The following GALNT2 variants were observed in gnomAD, a reference collection of about 807,000 sequenced individuals.
GALNT2 encodes the protein UDP-GalNAc:polypeptide N-acetylgalactosaminyltransferase 2.
In GALNT2, 31 loss-of-function variants were observed where a neutral mutation model predicts 81.4. That is an observed-to-expected ratio of 0.38 (90% CI 0.29 to 0.51). The LOEUF is 0.51. GALNT2 is among the 20% of genes least tolerant of loss of function. The probability of loss-of-function intolerance (pLI) is 0.87; values close to 1 mark genes in which losing one functional copy is unlikely to be tolerated. For synonymous variants in GALNT2, 303 were observed against 287.4 expected, an observed-to-expected ratio of 1.05 and a Z score of -0.55; for missense variants, 629 against 765.7, an observed-to-expected ratio of 0.82 and a Z score of 2.11.
chr1:230,184,334 G>A (rs992573510), intron 2 of GALNT2, among the ~76,000 whole-genome samples: 1 of 151,772 alleles, frequency 6.6e-6, no homozygotes, highest in Non-Finnish European at 1.5e-5. Context: ...GACTACAGGC[G>A]CCCAACCACA....
At chr1:230,215,314 G>A (rs977257079) in intron 3 of GALNT2, among the ~76,000 whole-genome samples, 6 of 152,300 alleles carry the variant, frequency 3.9e-5, no homozygotes, top group African/African-American at 9.6e-5. Flanking sequence ...CGGCTCAGTC[G>A]GCCGTTTGGC....
intron 2 of GALNT2, among the ~76,000 whole-genome samples, chr1:230,200,062 C>CTTT (rs34212427): frequency 2.6e-5 from 3 of 113,518 alleles, no homozygotes; most frequent in African/African-American, 3.8e-5. Flanking sequence ...TCTTTTTTTT[C>CTTT]TTTTTTTTTT....
At position 230,246,148 on chromosome 1, in the gene GALNT2, G is replaced by T; in HGVS notation, c.815G>T (p.Gly272Val). 1 of 1,613,058 alleles carries T rather than the reference G, an allele frequency of 6.2e-7. No individual in the cohort carries two copies. The highest frequency in any genetic ancestry group is 8.5e-7 in the Non-Finnish European group (1 of 1,179,094). The change falls in exon 8 of 16, where the codon GGC (glycine) becomes GTC (valine). Residue 272 changes from glycine to valine, a missense_variant and splice_region_variant. Physicochemically the swap from Gly to Val is moderately radical, Grantham distance 109. Around this residue, in one of 3 missense-constraint regions of GALNT2, gnomAD observed 360 missense variants for 492.8 expected, o/e 0.73. Transcript: ENST00000366672. ...GTGGGGGCATCTGCTGACTTGAAGG[G>T]CGGTAGGTGTCTGTCATGGTGCCCC... ...QYVGASADLK[G>V]GFDWNLVFKW... is the part of the protein sequence containing the mutation.
At chr1:230,194,196 A>G (rs974108190) in intron 2 of GALNT2, among the ~76,000 whole-genome samples, 1 of 152,200 alleles carries the variant, frequency 6.6e-6, no homozygotes, top group East Asian at 1.9e-4. Flanking sequence ...ATCAGTGGGG[A>G]GGCATGCCGA....
chr1:230,262,210 G>A (rs1044429910), intron 11 of GALNT2: 3 of 204,110 alleles, frequency 1.5e-5, no homozygotes, highest in African/African-American at 7.0e-5. Flanking sequence ...CTGTGGACGC[G>A]TAATGTGAGA....
At chr1:230,157,179 G>T (rs1311738500) in intron 1 of GALNT2, among the ~76,000 whole-genome samples, 1 of 152,218 alleles carries the variant, frequency 6.6e-6, no homozygotes, top group Non-Finnish European at 1.5e-5. Context: ...GGAACTTACT[G>T]TGTAGTATTG....
intron 1 of GALNT2, among the ~76,000 whole-genome samples, chr1:230,081,595 C>T (rs571805478): frequency 6.6e-6 from 1 of 152,246 alleles, no homozygotes; most frequent in Non-Finnish European, 1.5e-5. Context: ...AAGTGGAAGA[C>T]AAATTAATAA....
At chr1:230,276,440 A>G in intron 15 of GALNT2, among the ~76,000 whole-genome samples, 1 of 152,070 alleles carries the variant, frequency 6.6e-6, no homozygotes, top group East Asian at 1.9e-4. Flanking sequence ...AACCTACTGG[A>G]GCCAAGAGCC....
chr1:230,138,582 C>T (rs1661629644), intron 1 of GALNT2, among the ~76,000 whole-genome samples: 1 of 150,986 alleles, frequency 6.6e-6, no homozygotes, highest in Non-Finnish European at 1.5e-5. Context: ...ATAGGCAGAG[C>T]AGTGGCATGG....
intron 1 of GALNT2, among the ~76,000 whole-genome samples, chr1:230,172,655 C>T (rs1056637050): frequency 7.2e-5 from 11 of 152,182 alleles, no homozygotes; most frequent in African/African-American, 1.2e-4. Flanking sequence ...CTCATCCCCA[C>T]GGCGCCTTTC....
intron 1 of GALNT2, among the ~76,000 whole-genome samples, chr1:230,146,808 G>A (rs1195043341): frequency 1.3e-5 from 2 of 152,160 alleles, no homozygotes; most frequent in South Asian, 2.1e-4. Context: ...ACCTCAGAGC[G>A]GCCCCACGTG....
intron 2 of GALNT2, among the ~76,000 whole-genome samples, chr1:230,198,324 A>C (rs536410745): frequency 4.6e-5 from 7 of 152,064 alleles, no homozygotes; most frequent in Admixed American, 1.3e-4. Context: ...GCAGGACAGC[A>C]GCCCAGGAGA....
intron 11 of GALNT2, among the ~76,000 whole-genome samples, chr1:230,260,612 G>A (rs1275803420): frequency 3.9e-5 from 6 of 152,168 alleles, no homozygotes; most frequent in Admixed American, 3.3e-4. Flanking sequence ...GGTGCCAGAT[G>A]TTACAAGTAT....
chr1:230,112,800 T>TGGGGGGCGGGGGGGGGGGGGGGGGGGGGG (rs1660743074), intron 1 of GALNT2, among the ~76,000 whole-genome samples: 1 of 76,114 alleles, frequency 1.3e-5, no homozygotes, highest in Non-Finnish European at 2.6e-5. Flanking sequence ...GGCAGGGGGG[T>TGGGGGGCGGGGGGGGGGGGGGGGGGGGGG]GGGGGGGACC....
intron 1 of GALNT2, among the ~76,000 whole-genome samples, chr1:230,152,036 G>A (rs1339586381): frequency 2.6e-5 from 4 of 152,178 alleles, no homozygotes; most frequent in Non-Finnish European, 5.9e-5. Context: ...CTTGGTTTTG[G>A]TGGGTTTTGG....
chr1:230,172,010 G>A (rs1259548769), intron 1 of GALNT2, among the ~76,000 whole-genome samples: 3 of 151,690 alleles, frequency 2.0e-5, no homozygotes, highest in African/African-American at 7.3e-5. Context: ...AGTGGTTTTA[G>A]AATATTCTAA....
chr1:230,221,209 C>G (rs1664537059), intron 3 of GALNT2, among the ~76,000 whole-genome samples: 1 of 152,082 alleles, frequency 6.6e-6, no homozygotes, highest in South Asian at 2.1e-4. Context: ...GAAATATTTT[C>G]TAGGACTGTT....
intron 3 of GALNT2, among the ~76,000 whole-genome samples, chr1:230,217,314 C>T (rs999506662): frequency 1.3e-5 from 2 of 151,998 alleles, no homozygotes; most frequent in Admixed American, 6.6e-5. Context: ...AGGGAAGGGA[C>T]GAGGGAGTGT....
intron 1 of GALNT2, among the ~76,000 whole-genome samples, chr1:230,143,808 A>G (rs1661827165): frequency 1.3e-5 from 2 of 152,252 alleles, no homozygotes; most frequent in Non-Finnish European, 1.5e-5. Flanking sequence ...TGTGACAGGC[A>G]GAATTTAACT....
Sources: allele counts gnomAD v4.1 joint callset (sites outside exome capture counted in the v4.1 genomes callset), GRCh38; gene constraint gnomAD v4.1.1; regional missense constraint gnomAD v4.1.1; transcripts MANE v1.5; gene names NCBI Gene and HGNC (gene_info 2026-07-23, HGNC 2026-07-21).